SORCS3: variants seen among roughly 807,000 people sequenced by gnomAD.
SORCS3 encodes the protein VPS10 domain-containing receptor SorCS3.
Under a neutral mutation model 146.3 loss-of-function variants are expected in SORCS3, and 57 were observed. That is an observed-to-expected ratio of 0.39 (90% CI 0.31 to 0.49). The LOEUF is 0.49. Among genes scored for constraint, SORCS3 ranks in the 20% least tolerant of loss-of-function variants. The pLI is 0.92. For missense variants in SORCS3, 1,341 were observed against 1,575.5 expected (o/e 0.85, Z 2.52); for synonymous variants, 653 against 618.5 (o/e 1.06, Z -0.83).
At chr10:104,651,980 G>T (rs990143768) in intron 1 of SORCS3, among the ~76,000 whole-genome samples, 5 of 152,190 alleles carry the variant, frequency 3.3e-5, no homozygotes, top group Non-Finnish European at 2.9e-5. Context: ...ACTGGGGTTG[G>T]CTAACTCTGA....
intron 1 of SORCS3, among the ~76,000 whole-genome samples, chr10:104,660,440 C>G (rs2015686769): frequency 6.6e-6 from 1 of 152,150 alleles, no homozygotes; most frequent in African/African-American, 2.4e-5. Context: ...AGGAAACACC[C>G]CAGAGTCTGA....
At chr10:104,756,142 G>T (rs907126963) in intron 1 of SORCS3, among the ~76,000 whole-genome samples, 1 of 152,140 alleles carries the variant, frequency 6.6e-6, no homozygotes, top group Admixed American at 6.5e-5. Context: ...TCTGAGCCTC[G>T]CAACACTATT....
chr10:105,038,694 G>A (rs966127151), intron 4 of SORCS3, among the ~76,000 whole-genome samples: 1 of 151,924 alleles, frequency 6.6e-6, no homozygotes, highest in Non-Finnish European at 1.5e-5. Flanking sequence ...TAAAATTTTG[G>A]CATATTTCCT....
At chr10:104,980,646 G>A (rs1404786) in intron 4 of SORCS3, among the ~76,000 whole-genome samples, 9,015 of 152,216 alleles carry the variant, frequency 0.059, 262 homozygotes, top group African/African-American at 0.074. Context: ...GGAGTGAATC[G>A]ATGTTTCCAT....
chr10:105,127,893 G>T (rs1408958640), intron 7 of SORCS3, among the ~76,000 whole-genome samples: 1 of 152,104 alleles, frequency 6.6e-6, no homozygotes. Flanking sequence ...AGTGATCTGG[G>T]TCAGGCTAAG....
intron 2 of SORCS3, among the ~76,000 whole-genome samples, chr10:104,859,520 T>C (rs1183866792): frequency 6.6e-6 from 1 of 152,228 alleles, no homozygotes; most frequent in Admixed American, 6.5e-5. Context: ...AAGGACTTCA[T>C]GTCTAAAACA....
chr10:104,806,543 A>G (rs755489659), intron 1 of SORCS3, among the ~76,000 whole-genome samples: 1 of 152,232 alleles, frequency 6.6e-6, no homozygotes, highest in Non-Finnish European at 1.5e-5. Context: ...ACACCTTGGA[A>G]TTTATCCTAG....
intron 1 of SORCS3, among the ~76,000 whole-genome samples, chr10:104,643,538 C>T (rs1156472280): frequency 6.6e-6 from 1 of 152,120 alleles, no homozygotes; most frequent in African/African-American, 2.4e-5. Flanking sequence ...ACAGCTCTGG[C>T]GAGAGGGGTG....
chr10:105,105,376 C>T, intron 6 of SORCS3, 21 bp from the exon 7 acceptor site: 1 of 1,539,040 alleles, frequency 6.5e-7, no homozygotes. Flanking sequence ...ATCTAAGCAT[C>T]ACTCTACCCT....
chr10:105,078,935 G>T (rs996289162), intron 5 of SORCS3, among the ~76,000 whole-genome samples: 1 of 149,488 alleles, frequency 6.7e-6, no homozygotes, highest in African/African-American at 2.5e-5. Context: ...AGGAGCACCT[G>T]TTACAGTCTG....
At chr10:105,253,187 G>A (rs1320535075) in intron 23 of SORCS3, among the ~76,000 whole-genome samples, 1 of 151,728 alleles carries the variant, frequency 6.6e-6, no homozygotes, top group East Asian at 1.9e-4. Context: ...CTGGGATTCA[G>A]GGGAAGGGGA....
intron 4 of SORCS3, among the ~76,000 whole-genome samples, chr10:105,003,229 T>C (rs2055072351): frequency 6.6e-6 from 1 of 152,228 alleles, no homozygotes. Context: ...TTAGTTATTA[T>C]AATATTATTC....
At chr10:105,106,292 C>T (rs1459510809) in intron 7 of SORCS3, among the ~76,000 whole-genome samples, 3 of 152,180 alleles carry the variant, frequency 2.0e-5, no homozygotes, top group African/African-American at 7.2e-5. Flanking sequence ...TGAAAACTCC[C>T]TGAGTTGGCT....
At chr10:105,046,194 A>T (rs775846089) in intron 5 of SORCS3, among the ~76,000 whole-genome samples, 7 of 152,130 alleles carry the variant, frequency 4.6e-5, no homozygotes, top group Non-Finnish European at 1.0e-4. Flanking sequence ...GACGATGTTA[A>T]AAAGACTTTT....
chr10:105,151,163 T>A (rs1249668433), intron 9 of SORCS3, among the ~76,000 whole-genome samples: 14 of 152,144 alleles, frequency 9.2e-5, no homozygotes, highest in Admixed American at 9.2e-4. Context: ...TAATTCTAAC[T>A]TGAGTAATTT....
chr10:104,863,289 G>T (rs1276009850), intron 2 of SORCS3, among the ~76,000 whole-genome samples: 1 of 152,170 alleles, frequency 6.6e-6, no homozygotes, highest in East Asian at 1.9e-4. Context: ...CAGAACACAT[G>T]CCTCTATGGA....
At chr10:104,944,298 T>G (rs1172287715) in intron 3 of SORCS3, among the ~76,000 whole-genome samples, 5 of 152,342 alleles carry the variant, frequency 3.3e-5, no homozygotes, top group African/African-American at 1.2e-4. Context: ...TCATGACTTC[T>G]GTATGGGCAA....
chr10:105,152,067 A>G (rs1271104464), intron 9 of SORCS3, among the ~76,000 whole-genome samples: 1 of 151,954 alleles, frequency 6.6e-6, no homozygotes, highest in Non-Finnish European at 1.5e-5. Context: ...CTTTTTAATT[A>G]CTCTCCCTAA....
chr10:104,771,067 C>T (rs528612171), intron 1 of SORCS3, among the ~76,000 whole-genome samples: 1 of 152,282 alleles, frequency 6.6e-6, no homozygotes, highest in South Asian at 2.1e-4. Context: ...TGCTTGATAG[C>T]CACGTGGGCT....
Sources: gnomAD v4.1 joint callset for allele counts (sites outside exome capture counted in the v4.1 genomes callset) on GRCh38, gnomAD v4.1.1 for gene constraint, MANE v1.5 for transcripts, NCBI Gene and HGNC (gene_info 2026-07-23, HGNC 2026-07-21) for gene names.